Variants in USP30 observed in about 807,000 individuals in gnomAD.
The protein encoded by USP30 is ubiquitin carboxyl-terminal hydrolase 30.
A neutral mutation model predicts 68.2 loss-of-function variants in USP30; 41 were observed. That is an observed-to-expected ratio of 0.60 (90% CI 0.47 to 0.78). The LOEUF is 0.78. Among genes scored for constraint, USP30 ranks in the 30% least tolerant of loss-of-function variants. USP30 has a pLI of 0.00. For missense variants in USP30, 522 were observed against 649.4 expected, an observed-to-expected ratio of 0.80 and a Z score of 2.13; for synonymous variants, 229 against 253.7, an observed-to-expected ratio of 0.90 and a Z score of 0.93.
chr12:109,038,604 A>G, intron 3 of USP30, among the ~76,000 whole-genome samples: 1 of 152,108 alleles, frequency 6.6e-6, no homozygotes. Flanking sequence ...GTGGGCTTAT[A>G]TTTCCCTTTC....
Position 109,070,395 on chromosome 12 carries a change from A to G in USP30, c.481-1217A>G, listed in dbSNP as rs1234193719. On this transcript the variant is annotated intron_variant, in intron 4 of 12. Coordinates refer to ENST00000257548, the MANE Select transcript of USP30 (RefSeq NM_032663.5). The surrounding 1 kb of genome is among the most constrained non-coding windows in gnomAD (Gnocchi z 4.0). ...TGCCCTGTGGAGGAGCTCTTTTGGC[A>G]GAGACCTGAAGGATAGGAGGTAGCC... Among the ~76,000 whole-genome samples the G allele has an allele frequency of 6.6e-6, 1 of 152,114 alleles. No homozygotes were observed. The highest frequency in any genetic ancestry group is 1.9e-4 in the East Asian group (1 of 5,178).
rs77241135 is a variant in USP30, at chr12:109,047,399, T to C, written c.-135-191T>C. ...GCTACAACAAACAGTTCTGACATGC[T>C]GTGTGAGGTGGAATTTAAATGATTT... On this transcript the variant is annotated intron_variant, in intron 3 of 15. Transcript: ENST00000392784. Among the ~76,000 whole-genome samples, 527 of 152,306 alleles carry C rather than the reference T, an allele frequency of 3.5e-3. 3 individuals are homozygous for C. Among genetic ancestry groups the C allele is most frequent in the African/African-American group, 0.012 (496 of 41,566 alleles).
intron 3 of USP30, among the ~76,000 whole-genome samples, chr12:109,032,668 G>T (rs771290346): frequency 2.0e-5 from 3 of 152,212 alleles, no homozygotes; most frequent in Non-Finnish European, 4.4e-5. Context: ...GGGAAATGGA[G>T]ATTGACTGCT....
At chr12:109,040,617 A>T in intron 3 of USP30, among the ~76,000 whole-genome samples, 1 of 152,114 alleles carries the variant, frequency 6.6e-6, no homozygotes, top group East Asian at 1.9e-4. Flanking sequence ...TCATCTGAAG[A>T]CTTGACTGGG....
intron 3 of USP30, among the ~76,000 whole-genome samples, chr12:109,027,809 GT>G (rs1298184620): frequency 6.6e-6 from 1 of 152,156 alleles, no homozygotes; most frequent in African/African-American, 2.4e-5. Flanking sequence ...GGACACGTGG[GT>G]TGTTTCCACC....
At chr12:109,084,754 A>G (rs927795514) in intron 11 of USP30, among the ~76,000 whole-genome samples, 199 bp from the exon 12 acceptor site, 1 of 152,252 alleles carries the variant, frequency 6.6e-6, no homozygotes, top group Non-Finnish European at 1.5e-5. Flanking sequence ...CACTTTTCCT[A>G]TTTGGGATTA....
chr12:109,081,813 A>G, intron 8 of USP30, 120 bp from the exon 9 acceptor site: 1 of 1,005,054 alleles, frequency 9.9e-7, no homozygotes, highest in Non-Finnish European at 1.5e-6. Flanking sequence ...AGTTGTGACT[A>G]TAAAACTTTA....
At chr12:109,034,668 TC>T (rs1233301465) in intron 3 of USP30, among the ~76,000 whole-genome samples, 1 of 152,256 alleles carries the variant, frequency 6.6e-6, no homozygotes, top group Non-Finnish European at 1.5e-5. Context: ...GTCTGCTATT[TC>T]CTTGTTGATC....
chr12:109,063,289 C>T (rs1270408345), intron 3 of USP30, among the ~76,000 whole-genome samples: 1 of 152,022 alleles, frequency 6.6e-6, no homozygotes, highest in African/African-American at 2.4e-5. Flanking sequence ...TTAGTAGAGA[C>T]GGGGTTTTAC....
chr12:109,067,443 T>C (rs1306870130), intron 3 of USP30, 81 bp from the exon 4 acceptor site: 8 of 1,251,136 alleles, frequency 6.4e-6, no homozygotes, highest in Non-Finnish European at 9.2e-6. Flanking sequence ...TAATTAACTT[T>C]GATATGTTAT....
intron 7 of USP30, among the ~76,000 whole-genome samples, chr12:109,075,164 T>C (rs1453841290): frequency 1.3e-5 from 2 of 152,230 alleles, no homozygotes; most frequent in African/African-American, 4.8e-5. Flanking sequence ...AAGATTGTTT[T>C]GCAGATGTAT....
chr12:109,072,680 T>C (rs2041482954), intron 6 of USP30, among the ~76,000 whole-genome samples: 1 of 152,214 alleles, frequency 6.6e-6, no homozygotes, highest in Non-Finnish European at 1.5e-5. Context: ...CAAATTCTAT[T>C]GCATATTACC....
intron 3 of USP30, among the ~76,000 whole-genome samples, chr12:109,035,456 C>T (rs749631083): frequency 1.6e-4 from 25 of 152,092 alleles, no homozygotes; most frequent in African/African-American, 3.9e-4. Flanking sequence ...CTCCGCCTCC[C>T]GGGTTCAAGC....
intron 3 of USP30, among the ~76,000 whole-genome samples, chr12:109,038,441 T>C (rs2040538262): frequency 6.6e-6 from 1 of 152,204 alleles, no homozygotes; most frequent in African/African-American, 2.4e-5. Flanking sequence ...GTCATTGCTA[T>C]TGTAAATAGC....
At chr12:109,059,083 G>A (rs2040974979) in intron 3 of USP30, among the ~76,000 whole-genome samples, 1 of 152,186 alleles carries the variant, frequency 6.6e-6, no homozygotes, top group Admixed American at 6.6e-5. Flanking sequence ...CCTGAAAAAT[G>A]GAGTCTAAAA....
chr12:109,044,378 C>T (rs1001102464), intron 3 of USP30, among the ~76,000 whole-genome samples: 1 of 152,178 alleles, frequency 6.6e-6, no homozygotes, highest in African/African-American at 2.4e-5. Flanking sequence ...TGGCTCACGC[C>T]TGCGATCTGA....
intron 3 of USP30, among the ~76,000 whole-genome samples, chr12:109,065,931 T>C (rs1456670077): frequency 6.6e-6 from 1 of 152,186 alleles, no homozygotes; most frequent in Non-Finnish European, 1.5e-5. Flanking sequence ...AGTTGAGTAG[T>C]TGCAACAGAG....
chr12:109,085,612 T>C, intron 12 of USP30, 55 bp from the exon 13 acceptor site: 1 of 1,593,530 alleles, frequency 6.3e-7, no homozygotes, highest in Non-Finnish European at 8.6e-7. Context: ...TGTTTTTGCC[T>C]ATAAAGTCTT....
intron 1 of USP30, chr12:109,053,668 T>C: frequency 5.3e-6 from 1 of 187,844 alleles, no homozygotes. Context: ...AGATAGGAAG[T>C]GTGGCCCCAT....
Sources: gnomAD v4.1 joint callset for allele counts (sites outside exome capture counted in the v4.1 genomes callset) on GRCh38, gnomAD v4.1.1 for gene constraint, Gnocchi (gnomAD v3.1) non-coding constraint, MANE v1.5 for transcripts, NCBI Gene and HGNC (gene_info 2026-07-23, HGNC 2026-07-21) for gene names.